SPATA13: variants seen among roughly 807,000 people sequenced by gnomAD.
The protein encoded by SPATA13 is spermatogenesis associated 13.
In SPATA13, 50 loss-of-function variants were observed where a neutral mutation model predicts 104.0. That is an observed-to-expected ratio of 0.48 (90% confidence interval 0.38 to 0.61). The LOEUF (loss-of-function observed/expected upper bound fraction) is 0.61. SPATA13 is among the 20% of genes least tolerant of loss of function. SPATA13 has a pLI of 0.00. For missense variants in SPATA13, 1,524 were observed against 1,690.6 expected, an observed-to-expected ratio of 0.90 and a Z score of 1.73; for synonymous variants, 606 against 667.5, an observed-to-expected ratio of 0.91 and a Z score of 1.42.
intron 3 of SPATA13, among the ~76,000 whole-genome samples, chr13:24,149,902 G>T (rs142278174): frequency 8.6e-4 from 131 of 152,254 alleles, no homozygotes; most frequent in African/African-American, 3.1e-3. Context: ...GAGGTGGTTG[G>T]GGAGGAACAC....
At chr13:23,997,407 A>G (rs1182272962) in intron 2 of SPATA13, among the ~76,000 whole-genome samples, 2 of 152,144 alleles carry the variant, frequency 1.3e-5, no homozygotes, top group Non-Finnish European at 2.9e-5. Flanking sequence ...AGTTAGTTAC[A>G]TTTTCTAGAA....
At chr13:24,001,793 G>A (rs761449619) in intron 2 of SPATA13, among the ~76,000 whole-genome samples, 2 of 152,106 alleles carry the variant, frequency 1.3e-5, no homozygotes, top group Non-Finnish European at 2.9e-5. Context: ...TGGGGGCCGG[G>A]AGGTGAGGGA....
chr13:24,251,270 T>C (rs114332393), intron 3 of SPATA13, among the ~76,000 whole-genome samples: 1 of 152,142 alleles, frequency 6.6e-6, no homozygotes, highest in Non-Finnish European at 1.5e-5. Flanking sequence ...GAGGAGTAAA[T>C]GAGGCTGAAG....
At chr13:24,069,798 T>A (rs1429040132) in intron 3 of SPATA13, among the ~76,000 whole-genome samples, 1 of 152,222 alleles carries the variant, frequency 6.6e-6, no homozygotes, top group Non-Finnish European at 1.5e-5. Flanking sequence ...GTTCAATAAT[T>A]CTATCATTTG....
chr13:24,059,532 C>G (rs9511024), intron 3 of SPATA13, among the ~76,000 whole-genome samples: 71,233 of 152,010 alleles, frequency 0.47, 17,938 homozygotes, highest in Non-Finnish European at 0.56. Context: ...GGTGGAATCC[C>G]CAAAGGAGGA....
chr13:24,126,901 C>T (rs1479202199), intron 3 of SPATA13, among the ~76,000 whole-genome samples: 1 of 152,160 alleles, frequency 6.6e-6, no homozygotes, highest in Non-Finnish European at 1.5e-5. Context: ...GGAATCTTTA[C>T]CCTAAACGTT....
rs770141276 is a variant in SPATA13 at position 24,294,803 on chromosome 13, C to G, written c.3145C>G (p.Arg1049Gly). 1 of 1,611,400 alleles carries G rather than the reference C, an allele frequency of 6.2e-7. No individual in the cohort carries two copies. Among genetic ancestry groups the G allele is most frequent in the South Asian group, 1.1e-5 (1 of 91,004 alleles). The change falls in exon 10 of 13, where the codon CGC becomes GGC. Residue 1049 changes from arginine to glycine, a missense_variant. By Grantham distance (125) the Arg-to-Gly change is moderately radical (BLOSUM62 -2). Around this residue, in one of 2 missense-constraint regions of SPATA13, gnomAD observed 435 missense variants for 554.8 expected, o/e 0.78. Transcript: ENST00000382108. ...GAATGTGGCCTGTCTGATCAACGAG[C>G]GCAAGCGCAAGCTGGAGAGCATCGA... ...MKNVACLINE[R>G]KRKLESIDKI... is the part of the protein sequence containing the mutation.
At chr13:24,232,568 G>T (rs751506726) in intron 2 of SPATA13, among the ~76,000 whole-genome samples, 8 of 152,042 alleles carry the variant, frequency 5.3e-5, no homozygotes, top group East Asian at 1.9e-4. Flanking sequence ...TTGAGACAGG[G>T]TCTCACTCTC....
intron 3 of SPATA13, among the ~76,000 whole-genome samples, chr13:24,062,575 C>T (rs915550953): frequency 1.6e-4 from 24 of 152,098 alleles, no homozygotes; most frequent in Non-Finnish European, 3.1e-4. Context: ...GATCCGGTGA[C>T]GAAGGAGCCT....
At chr13:24,285,680 CTT>C (rs3067301) in intron 5 of SPATA13, among the ~76,000 whole-genome samples, 20,346 of 129,504 alleles carry the variant, frequency 0.16, 1,537 homozygotes, top group Admixed American at 0.25. Context: ...CCACATCTGG[CTT>C]TTTTTTTTTT....
At chr13:24,032,312 T>G (rs1877513972) in intron 3 of SPATA13, among the ~76,000 whole-genome samples, 1 of 152,210 alleles carries the variant, frequency 6.6e-6, no homozygotes, top group South Asian at 2.1e-4. Context: ...CCTATGGCAA[T>G]ACCACATAGC....
intron 1 of SPATA13, among the ~76,000 whole-genome samples, chr13:24,179,190 TG>T (rs1230004506): frequency 6.6e-6 from 1 of 152,356 alleles, no homozygotes; most frequent in African/African-American, 2.4e-5. Context: ...GATGGACATT[TG>T]GGTTGTTTGT....
At chr13:24,045,218 A>G (rs1878096484) in intron 3 of SPATA13, among the ~76,000 whole-genome samples, 1 of 152,132 alleles carries the variant, frequency 6.6e-6, no homozygotes, top group Admixed American at 6.5e-5. Flanking sequence ...TAACTGATCT[A>G]TTTCCTTTTA....
intron 4 of SPATA13, among the ~76,000 whole-genome samples, chr13:24,265,981 TTAAAA>T (rs1395701485): frequency 2.6e-5 from 4 of 152,178 alleles, no homozygotes; most frequent in African/African-American, 9.7e-5. Context: ...CATGTCATAC[TTAAAA>T]TAAGAAGATA....
chr13:24,122,120 G>T (rs1881049175), intron 3 of SPATA13: 1 of 1,612,338 alleles, frequency 6.2e-7, no homozygotes, highest in African/African-American at 1.3e-5. Context: ...CACAACTGGA[G>T]CACTGAATTT....
At chr13:23,983,964 A>C (rs1458683049) in intron 2 of SPATA13, 2 of 984,080 alleles carry the variant, frequency 2.0e-6, no homozygotes, top group Non-Finnish European at 2.4e-6. Flanking sequence ...CCTGCATGGC[A>C]TTATCCATGC....
intron 1 of SPATA13, among the ~76,000 whole-genome samples, chr13:24,198,622 G>T (rs907972342): frequency 1.3e-5 from 2 of 152,208 alleles, no homozygotes; most frequent in Non-Finnish European, 2.9e-5. Context: ...CTAGATAAAT[G>T]TTGATTGGAA....
intron 3 of SPATA13, among the ~76,000 whole-genome samples, chr13:24,057,454 G>A (rs17429748): frequency 0.018 from 2,787 of 152,266 alleles, 98 homozygotes; most frequent in East Asian, 0.11. Context: ...AGGGAAGCCA[G>A]TGTTGACAGG....
chr13:24,201,031 TCACACACA>T (rs10529866), intron 1 of SPATA13, among the ~76,000 whole-genome samples: 5,350 of 150,354 alleles, frequency 0.036, 304 homozygotes, highest in African/African-American at 0.12. Flanking sequence ...AGCTAGTCAG[TCACACACA>T]CACACACACA....
Sources: allele counts gnomAD v4.1 joint callset (sites outside exome capture counted in the v4.1 genomes callset), GRCh38; gene constraint gnomAD v4.1.1; regional missense constraint gnomAD v4.1.1; transcripts MANE v1.5; gene names NCBI Gene and HGNC (gene_info 2026-07-23, HGNC 2026-07-21).